CCDC7: variants seen among roughly 807,000 people sequenced by gnomAD.
The protein encoded by CCDC7 is coiled-coil domain-containing protein 7.
A neutral mutation model predicts 196.9 loss-of-function variants in CCDC7; 183 were observed. The observed-to-expected ratio is 0.93, with a 90% CI of 0.82 to 1.05. CCDC7 has a LOEUF of 1.05. CCDC7 is among the 50% of genes least tolerant of loss of function. The probability of loss-of-function intolerance (pLI) is 0.00; values close to 1 mark genes in which losing one functional copy is unlikely to be tolerated. For synonymous variants in CCDC7, 525 were observed against 484.6 expected, an observed-to-expected ratio of 1.08 and a Z score of -1.10; for missense variants, 1,540 against 1,482.2, an observed-to-expected ratio of 1.04 and a Z score of -0.64.
intron 21 of CCDC7, among the ~76,000 whole-genome samples, chr10:32,665,683 T>G (rs1203091268): frequency 6.6e-6 from 1 of 152,092 alleles, no homozygotes; most frequent in Non-Finnish European, 1.5e-5. Flanking sequence ...TTGCTCAAGA[T>G]TGCTTTGGCT....
intron 25 of CCDC7, among the ~76,000 whole-genome samples, chr10:32,712,937 G>A (rs1329711812): frequency 6.6e-6 from 1 of 152,140 alleles, no homozygotes; most frequent in Non-Finnish European, 1.5e-5. Context: ...CTTAAAGCTT[G>A]GCAATGAGGG....
intron 29 of CCDC7, among the ~76,000 whole-genome samples, chr10:32,802,955 C>G (rs2085099794): frequency 6.6e-6 from 1 of 152,232 alleles, no homozygotes; most frequent in Non-Finnish European, 1.5e-5. Context: ...TCCTAGTCCA[C>G]TGACTCAAAT....
intron 21 of CCDC7, among the ~76,000 whole-genome samples, chr10:32,676,362 G>C (rs1223096748): frequency 6.6e-6 from 1 of 151,904 alleles, no homozygotes; most frequent in Non-Finnish European, 1.5e-5. Flanking sequence ...AGCCAAAATT[G>C]ACAAATGGGA....
intron 25 of CCDC7, among the ~76,000 whole-genome samples, chr10:32,713,660 A>G (rs954119014): frequency 1.3e-5 from 2 of 152,212 alleles, no homozygotes; most frequent in Admixed American, 6.5e-5. Context: ...ACCATGGCTC[A>G]CTATCTATTG....
intron 14 of CCDC7, 34 bp downstream of exon 15, chr10:32,565,654 C>G (rs1383839350): frequency 3.2e-6 from 5 of 1,586,110 alleles, no homozygotes; most frequent in Non-Finnish European, 3.4e-6. Context: ...ACATTGTTAA[C>G]AAGTAAAGAA....
intron 21 of CCDC7, among the ~76,000 whole-genome samples, chr10:32,684,309 C>T (rs577171614): frequency 3.2e-4 from 48 of 152,192 alleles, no homozygotes; most frequent in Non-Finnish European, 6.3e-4. Context: ...TGGAGCTCCA[C>T]ATGGGCCTGA....
At chr10:32,689,239 C>A (rs2141211825) in intron 23 of CCDC7, 76 bp downstream of exon 24, 1 of 967,996 alleles carries the variant, frequency 1.0e-6, no homozygotes, top group Non-Finnish European at 1.5e-6. Context: ...CTTTGATTCA[C>A]AAAAGTTTTA....
At chr10:32,511,329 T>C in intron 9 of CCDC7, 1 of 1,593,254 alleles carries the variant, frequency 6.3e-7, no homozygotes, top group Non-Finnish European at 8.6e-7. Context: ...CTTTTACTTT[T>C]TCCTTTATTG....
At chr10:32,584,177 T>A (rs563085849) in intron 17 of CCDC7, 55 bp from the exon 19 acceptor site, 1 of 623,682 alleles carries the variant, frequency 1.6e-6, no homozygotes, top group East Asian at 4.5e-5. Flanking sequence ...CCAGTCTTGA[T>A]ATATATATAT....
At chr10:32,839,032 C>G (rs933747824) in intron 33 of CCDC7, among the ~76,000 whole-genome samples, 6 of 151,800 alleles carry the variant, frequency 4.0e-5, no homozygotes, top group Non-Finnish European at 8.8e-5. Flanking sequence ...ATAGAACCTC[C>G]TTAAAACATA....
chr10:32,566,376 A>G (rs1034393033), intron 14 of CCDC7, among the ~76,000 whole-genome samples: 2 of 152,202 alleles, frequency 1.3e-5, no homozygotes, highest in Non-Finnish European at 2.9e-5. Flanking sequence ...AAAAAAGTGT[A>G]CAGAGATTTT....
chr10:32,702,179 A>T (rs1226817737), intron 24 of CCDC7, among the ~76,000 whole-genome samples: 3 of 151,684 alleles, frequency 2.0e-5, no homozygotes, highest in African/African-American at 7.3e-5. Context: ...TTCCCTCTAC[A>T]CACTGCTTTG....
chr10:32,812,266 C>T (rs2087325772), intron 30 of CCDC7, among the ~76,000 whole-genome samples: 1 of 151,666 alleles, frequency 6.6e-6, no homozygotes, highest in African/African-American at 2.4e-5. Context: ...AATCTGAAAC[C>T]ACAGGAACAA....
chr10:32,869,519 T>G (rs1227983304), intron 41 of CCDC7, among the ~76,000 whole-genome samples: 2 of 152,204 alleles, frequency 1.3e-5, no homozygotes, highest in African/African-American at 4.8e-5. Context: ...GTAGGTTGCC[T>G]GTTCACTCTG....
At chr10:32,724,300 C>T (rs180947237) in intron 25 of CCDC7, among the ~76,000 whole-genome samples, 96 of 152,190 alleles carry the variant, frequency 6.3e-4, no homozygotes, top group Non-Finnish European at 1.1e-3. Flanking sequence ...ATGGGATCCT[C>T]GGGGTTCTTT....
At chr10:32,533,448 G>C (rs2050005703) in intron 11 of CCDC7, among the ~76,000 whole-genome samples, 2 of 152,030 alleles carry the variant, frequency 1.3e-5, no homozygotes, top group Admixed American at 1.3e-4. Context: ...TTGCAATATA[G>C]AGTATTTTGG....
intron 28 of CCDC7, among the ~76,000 whole-genome samples, chr10:32,752,478 C>T (rs1379389383): frequency 2.0e-5 from 3 of 152,234 alleles, no homozygotes; most frequent in East Asian, 1.9e-4. Context: ...TCTAGTCCCA[C>T]GTATAGTGGA....
chr10:32,785,764 A>G (rs552857005), intron 29 of CCDC7, among the ~76,000 whole-genome samples: 4 of 152,330 alleles, frequency 2.6e-5, no homozygotes, highest in African/African-American at 7.2e-5. Flanking sequence ...GTAGTGGCAT[A>G]GTTCTAAATT....
intron 18 of CCDC7, among the ~76,000 whole-genome samples, chr10:32,629,468 G>A (rs920118050): frequency 6.6e-6 from 1 of 152,044 alleles, no homozygotes; most frequent in African/African-American, 2.4e-5. Flanking sequence ...ATTGGGTGAA[G>A]GCTACAAAAG....
Sources: gnomAD v4.1 joint callset for allele counts (sites outside exome capture counted in the v4.1 genomes callset) on GRCh38, gnomAD v4.1.1 for gene constraint, MANE v1.5 for transcripts, NCBI Gene and HGNC (gene_info 2026-07-23, HGNC 2026-07-21) for gene names.